The following ANKRD26 variants were observed in gnomAD, a reference collection of about 807,000 sequenced individuals.
The protein encoded by ANKRD26 is ankyrin repeat domain-containing protein 26.
ANKRD26 carries 141 observed loss-of-function variants against 208.7 expected under a neutral mutation model. The observed-to-expected ratio is 0.68, with a 90% CI of 0.59 to 0.78. The LOEUF (loss-of-function observed/expected upper bound fraction) is 0.78, where lower values mean the gene tolerates loss of function less well. Ranked by LOEUF, ANKRD26 falls within the 30% of genes least tolerant of loss-of-function variation. The pLI, the probability that ANKRD26 is intolerant of heterozygous loss-of-function variation, is 0.00. For missense variants in ANKRD26, 1,889 were observed against 1,938.7 expected, an observed-to-expected ratio of 0.97 and a Z score of 0.48; for synonymous variants, 636 against 660.4, an observed-to-expected ratio of 0.96 and a Z score of 0.57.
intron 31 of ANKRD26, among the ~76,000 whole-genome samples, chr10:27,013,420 G>A (rs2053184025): frequency 6.6e-6 from 1 of 152,148 alleles, no homozygotes; most frequent in African/African-American, 2.4e-5. Context: ...CTTCTGGAAT[G>A]CTCCACTGGT....
chr10:27,051,023 G>GA (rs1023682192), intron 16 of ANKRD26: 18 of 1,192,928 alleles, frequency 1.5e-5, no homozygotes, highest in African/African-American at 1.4e-4. Flanking sequence ...AATTGATAGA[G>GA]AAAAAAACAA....
chr10:27,012,398 A>G (rs1229833553), intron 32 of ANKRD26, among the ~76,000 whole-genome samples: 7 of 152,118 alleles, frequency 4.6e-5, no homozygotes, highest in African/African-American at 1.7e-4. Flanking sequence ...AGGGACTAAA[A>G]AAAAAAAAAA....
At chr10:26,990,680 C>A (rs1418991377), downstream of ANKRD26, among the ~76,000 whole-genome samples, 1 of 152,184 alleles carries the variant, frequency 6.6e-6, no homozygotes, top group Non-Finnish European at 1.5e-5. Flanking sequence ...TCCAGAAAGA[C>A]TGAGAGGAGC....
chr10:26,983,528 C>T (rs2052339590), intron 3 of ANKRD26, among the ~76,000 whole-genome samples: 1 of 152,194 alleles, frequency 6.6e-6, no homozygotes, highest in African/African-American at 2.4e-5. Flanking sequence ...CAAGTATCCA[C>T]CACATGTCTC....
intron 20 of ANKRD26, among the ~76,000 whole-genome samples, chr10:27,043,163 TA>T (rs1308604774): frequency 3.9e-5 from 4 of 103,674 alleles, no homozygotes; most frequent in African/African-American, 7.4e-5. Context: ...AACAAAAAAA[TA>T]AAAAATTAAA....
chr10:27,015,075 G>T (rs2053244894), intron 30 of ANKRD26, among the ~76,000 whole-genome samples: 1 of 152,106 alleles, frequency 6.6e-6, no homozygotes, highest in African/African-American at 2.4e-5. Flanking sequence ...GAAAGAAAAT[G>T]ACTACAAATG....
rs763603578 is a variant in ANKRD26 at position 27,048,753 on chromosome 10, T to G, written c.1814+48A>C. 1.9e-6 allele frequency: 3 copies of G among 1,566,788 alleles called. No homozygotes were observed. The South Asian group carries it at 3.4e-5, about 18-fold the overall frequency. ...TGAATATTAGTCCAAATTAGAATTT[T>G]TATAGCACAATAACAATTATCTGCT... On this transcript the variant is annotated intron_variant, in intron 17 of 33. Transcript: ENST00000376087.
rs778883886 is a variant in ANKRD26 at position 27,035,197 on chromosome 10, C to T, written c.3253G>A (p.Asp1085Asn). ...CCCAAAGTCTTTTCTCTGAGGGCAT[C>T]TCTCGTGTGATGGAACTCAATTTCT... ...SLEIEFHHTR[D>N]ALREKTLGLE... Residue 1085 changes from aspartate (D) to asparagine (N), a missense_variant, in exon 24 of 34, where the codon GAT becomes AAT. Coordinates refer to ENST00000376087, the MANE Select transcript of ANKRD26 (RefSeq NM_014915.3). 4 of 1,613,920 alleles carry T rather than the reference C, an allele frequency of 2.5e-6. No homozygotes were observed. Among genetic ancestry groups the T allele is most frequent in the East Asian group, 2.2e-5 (1 of 44,884 alleles).
Position 27,068,206 on chromosome 10 carries a change from C to T in ANKRD26, c.1078-920G>A, listed in dbSNP as rs1286426183. ...GATAACTGGATCATGCGGTGGTTTC[C>T]CCCATGCTGTTCTCATGATAGTGAG... On this transcript the variant is annotated intron_variant, in intron 9 of 33. Coordinates refer to ENST00000376087, the MANE Select transcript of ANKRD26 (RefSeq NM_014915.3). Among the ~76,000 whole-genome samples, 4 of 152,214 alleles carry T rather than the reference C, an allele frequency of 2.6e-5. No individual in the cohort carries two copies. The South Asian group carries it at 8.3e-4, about 32-fold the overall frequency.
At chr10:26,999,586 C>T (rs2052673098), downstream of ANKRD26, among the ~76,000 whole-genome samples, 1 of 152,014 alleles carries the variant, frequency 6.6e-6, no homozygotes, top group Admixed American at 6.5e-5. Context: ...AAAATAGTCC[C>T]TAGTTATGTT....
chr10:27,076,110 C>T (rs2055688660), intron 9 of ANKRD26, among the ~76,000 whole-genome samples: 1 of 152,090 alleles, frequency 6.6e-6, no homozygotes, highest in Admixed American at 6.6e-5. Flanking sequence ...GTACTAACAT[C>T]ACACCTCAGG....
intron 9 of ANKRD26, among the ~76,000 whole-genome samples, chr10:27,070,729 G>A (rs987915024): frequency 2.6e-5 from 4 of 151,210 alleles, no homozygotes; most frequent in East Asian, 1.9e-4. Flanking sequence ...ACAATGGCAC[G>A]ATCTTGGCTC....
chr10:26,984,526 T>A (rs1436230806), intron 3 of ANKRD26, among the ~76,000 whole-genome samples: 1 of 152,200 alleles, frequency 6.6e-6, no homozygotes, highest in Non-Finnish European at 1.5e-5. Flanking sequence ...ACCAAAGACT[T>A]TCTCTTTTGT....
At chr10:26,949,778 C>T in the ANKRD26 span, among the ~76,000 whole-genome samples, 1 of 152,196 alleles carries the variant, frequency 6.6e-6, no homozygotes, top group African/African-American at 2.4e-5. Context: ...GCTGGGATTA[C>T]AGGTGTGACC....
intron 31 of ANKRD26, among the ~76,000 whole-genome samples, chr10:27,014,046 T>C (rs1431996330): frequency 1.3e-5 from 2 of 152,144 alleles, no homozygotes; most frequent in South Asian, 4.1e-4. Flanking sequence ...ATACCAGATA[T>C]CACAATCAAG....
Position 27,067,201 on chromosome 10 carries a change from T to A in ANKRD26, c.1163A>T (p.Asp388Val). 1 of 1,613,836 alleles carries A rather than the reference T, an allele frequency of 6.2e-7. No individual in the cohort carries two copies. Among genetic ancestry groups the A allele is most frequent in the Non-Finnish European group, 8.5e-7 (1 of 1,179,774 alleles). Residue 388 changes from aspartate to valine, a missense_variant, in exon 10 of 34, where the codon GAC becomes GTC. Physicochemically the swap from Asp to Val is radical, Grantham distance 152. This residue lies in a region of ANKRD26 where 1,272 missense variants were observed against 1,273.8 expected (regional missense o/e 1.00). Coordinates refer to ENST00000376087, the MANE Select transcript of ANKRD26 (RefSeq NM_014915.3). ...CACTTCATCAACATAAGTCAAATTG[T>A]CATTATTTGTTTGCTCTAGTGGAGC... ...ESAPLEQTNNDNLTYVDEVHK... is the reference protein window; with the variant it reads ...ESAPLEQTNNVNLTYVDEVHK...
At chr10:27,081,864 A>G (rs776279383) in intron 6 of ANKRD26, among the ~76,000 whole-genome samples, 1 of 151,846 alleles carries the variant, frequency 6.6e-6, no homozygotes, top group African/African-American at 2.4e-5. Context: ...CAGCCTCCTG[A>G]GTACTGGGAC....
intron 9 of ANKRD26, among the ~76,000 whole-genome samples, chr10:27,075,348 C>T (rs2055658486): frequency 6.6e-6 from 1 of 152,274 alleles, no homozygotes; most frequent in Middle Eastern, 3.4e-3. Context: ...TTTCAGGAGA[C>T]ACACCTATCA....
rs2052306699 is a variant in ANKRD26 at position 26,981,400 on chromosome 10, A to C, written c.*18-561T>G. Among the ~76,000 whole-genome samples, 4 of 152,340 alleles carry C rather than the reference A, an allele frequency of 2.6e-5. No individual in the cohort carries two copies. The South Asian group carries it at 8.3e-4, about 32-fold the overall frequency. ...GCAATACTGATAACAGCAAGGTTGCAGTGAGCTAACTTACGTGTTCTTTTT... is the reference window on the plus strand; with the variant it reads ...GCAATACTGATAACAGCAAGGTTGCCGTGAGCTAACTTACGTGTTCTTTTT... On this transcript the variant is annotated intron_variant and NMD_transcript_variant, in intron 4 of 5. Coordinates refer to the ANKRD26 transcript ENST00000674670.
Sources: gnomAD v4.1 joint callset for allele counts (sites outside exome capture counted in the v4.1 genomes callset) on GRCh38, gnomAD v4.1.1 for gene constraint, gnomAD v4.1.1 regional missense constraint, MANE v1.5 for transcripts, NCBI Gene and HGNC (gene_info 2026-07-23, HGNC 2026-07-21) for gene names.